DLG2: variants seen among roughly 807,000 people sequenced by gnomAD.
DLG2 encodes the protein discs large MAGUK scaffold protein 2.
Under a neutral mutation model 132.5 loss-of-function variants are expected in DLG2, and 45 were observed. That is an observed-to-expected ratio of 0.34 (90% CI 0.27 to 0.44). The LOEUF is 0.44. DLG2 is among the 20% of genes least tolerant of loss of function. The pLI, the probability that DLG2 is intolerant of heterozygous loss-of-function variation, is 1.00. For synonymous variants in DLG2, 424 were observed against 419.6 expected (o/e 1.01, Z -0.13); for missense variants, 1,045 against 1,196.9 (o/e 0.87, Z 1.87).
intron 10 of DLG2, among the ~76,000 whole-genome samples, chr11:84,073,909 G>A (rs781293872): frequency 6.6e-6 from 1 of 152,082 alleles, no homozygotes; most frequent in Non-Finnish European, 1.5e-5. Context: ...CAACATATAC[G>A]TACGCAGGGA....
At chr11:85,489,446 T>G (rs1419660473) in intron 3 of DLG2, among the ~76,000 whole-genome samples, 1 of 151,908 alleles carries the variant, frequency 6.6e-6, no homozygotes, top group Non-Finnish European at 1.5e-5. Context: ...AGAGGGACAG[T>G]AAAACAATAA....
intron 7 of DLG2, among the ~76,000 whole-genome samples, chr11:84,480,200 A>G (rs551309410): frequency 6.6e-6 from 1 of 152,162 alleles, no homozygotes; most frequent in South Asian, 2.1e-4. Flanking sequence ...AATCTTGAGA[A>G]CCCCAAAATC....
chr11:85,511,212 G>A (rs1455779120), intron 3 of DLG2, among the ~76,000 whole-genome samples: 1 of 151,922 alleles, frequency 6.6e-6, no homozygotes, highest in Middle Eastern at 3.2e-3. Context: ...TCACACACCG[G>A]GGCCTGTTGT....
intron 4 of DLG2, among the ~76,000 whole-genome samples, chr11:85,260,203 T>C (rs2076871051): frequency 6.6e-6 from 1 of 152,208 alleles, no homozygotes; most frequent in African/African-American, 2.4e-5. Flanking sequence ...AGAATTAATG[T>C]GATGCCCTTA....
chr11:83,574,022 T>C (rs986225467), intron 19 of DLG2, among the ~76,000 whole-genome samples: 1 of 152,180 alleles, frequency 6.6e-6, no homozygotes, highest in African/African-American at 2.4e-5. Context: ...AATGATTAAA[T>C]GGGGTAATAT....
intron 6 of DLG2, among the ~76,000 whole-genome samples, chr11:84,747,839 CAG>C (rs1484849759): frequency 6.6e-6 from 1 of 152,160 alleles, no homozygotes; most frequent in Non-Finnish European, 1.5e-5. Context: ...ACACATGACA[CAG>C]ATGTCTGAAT....
chr11:84,628,109 T>TATATATATATATACACAC (rs2099625818), intron 6 of DLG2, among the ~76,000 whole-genome samples: 2 of 52,986 alleles, frequency 3.8e-5, no homozygotes, highest in African/African-American at 1.3e-4. Context: ...TATACACACA[T>TATATATATATATACACAC]ATATATATAT....
At position 83,459,093 on chromosome 11, in the gene DLG2, TTAATA is replaced by T. The variant is rs952683565; in HGVS notation, c.*720_*724del. 6.6e-6 allele frequency: 1 copy of T among 150,760 alleles called. No homozygotes were observed. Among genetic ancestry groups the T allele is most frequent in the Non-Finnish European group, 1.5e-5 (1 of 68,048 alleles). 9.3% of individuals were successfully genotyped at this position (150,760 alleles called of 1,614,324 possible). ...CCTATAGAAATTTGTTTCTATACAT[TTAATA>T]TATTTTTATTGTATAAATTATTCTC... On this transcript the variant is annotated 3_prime_UTR_variant, in exon 28 of 28. Transcript: ENST00000376104.
chr11:83,846,539 A>G (rs990521462), intron 16 of DLG2, among the ~76,000 whole-genome samples: 2 of 152,166 alleles, frequency 1.3e-5, no homozygotes, highest in African/African-American at 4.8e-5. Context: ...CTGCAAAGTG[A>G]GGGGCTTTGA....
chr11:83,950,229 A>T (rs1277437067), intron 14 of DLG2, among the ~76,000 whole-genome samples: 1 of 152,208 alleles, frequency 6.6e-6, no homozygotes, highest in Non-Finnish European at 1.5e-5. Flanking sequence ...ATTCTTATGA[A>T]TTCTAAGAAG....
chr11:83,566,345 G>A (rs578232460), intron 19 of DLG2, among the ~76,000 whole-genome samples: 24 of 152,154 alleles, frequency 1.6e-4, no homozygotes, highest in South Asian at 6.2e-4. Context: ...CTGAATTCCC[G>A]AATTCTGCCC....
At chr11:85,010,021 A>C (rs2059014889) in intron 6 of DLG2, among the ~76,000 whole-genome samples, 1 of 152,116 alleles carries the variant, frequency 6.6e-6, no homozygotes, top group Admixed American at 6.5e-5. Context: ...CTATGAACCT[A>C]GCCATTGTTT....
At chr11:83,484,410 T>C (rs1026070719) in intron 21 of DLG2, among the ~76,000 whole-genome samples, 182 bp from the exon 22 acceptor site, 1 of 152,146 alleles carries the variant, frequency 6.6e-6, no homozygotes, top group Non-Finnish European at 1.5e-5. Context: ...AAATTCTGAA[T>C]GGTGGCACCT....
intron 9 of DLG2, among the ~76,000 whole-genome samples, chr11:84,150,007 T>G (rs1449507868): frequency 6.6e-6 from 1 of 152,130 alleles, no homozygotes. Context: ...CCACCCACCT[T>G]AGCCTCCCAA....
chr11:84,303,324 A>T (rs1281614884), intron 7 of DLG2, among the ~76,000 whole-genome samples: 1 of 152,214 alleles, frequency 6.6e-6, no homozygotes, highest in African/African-American at 2.4e-5. Context: ...CCATAACTGT[A>T]ACAGTCAATG....
At chr11:85,286,088 G>A (rs1167239036) in intron 3 of DLG2, 1 of 444,868 alleles carries the variant, frequency 2.2e-6, no homozygotes. Flanking sequence ...GAAAAAAAAA[G>A]TACTGACTTA....
intron 18 of DLG2, among the ~76,000 whole-genome samples, chr11:83,737,251 T>G (rs2092016670): frequency 6.6e-6 from 1 of 152,228 alleles, no homozygotes; most frequent in South Asian, 2.1e-4. Flanking sequence ...TACAACTCTT[T>G]TATCAGATGA....
chr11:84,947,320 CT>C (rs1292834571), intron 6 of DLG2, among the ~76,000 whole-genome samples: 15 of 152,170 alleles, frequency 9.9e-5, no homozygotes, highest in African/African-American at 3.6e-4. Context: ...GCACCACTGC[CT>C]CTTCCCAATA....
intron 6 of DLG2, among the ~76,000 whole-genome samples, chr11:84,974,037 G>T (rs2054507891): frequency 6.6e-6 from 1 of 152,096 alleles, no homozygotes; most frequent in African/African-American, 2.4e-5. Context: ...TTTATCATCT[G>T]CATTAAACTA....
Sources: gnomAD v4.1 joint callset for allele counts (sites outside exome capture counted in the v4.1 genomes callset) on GRCh38, gnomAD v4.1.1 for gene constraint, MANE v1.5 for transcripts, NCBI Gene and HGNC (gene_info 2026-07-23, HGNC 2026-07-21) for gene names.